GPM6A: variants seen among roughly 807,000 people sequenced by gnomAD.
GPM6A encodes neuronal membrane glycoprotein M6-a.
In GPM6A, 7 loss-of-function variants were observed where a neutral mutation model predicts 32.1. That is an observed-to-expected ratio of 0.22 (90% CI 0.12 to 0.41). GPM6A has a LOEUF of 0.41. Among genes scored for constraint, GPM6A ranks in the 10% least tolerant of loss-of-function variants. The pLI is 1.00. For synonymous variants in GPM6A, 130 were observed against 123.4 expected, an observed-to-expected ratio of 1.05 and a Z score of -0.35; for missense variants, 235 against 347.2, an observed-to-expected ratio of 0.68 and a Z score of 2.57.
intron 1 of GPM6A, among the ~76,000 whole-genome samples, chr4:175,964,103 A>AAGAG (rs904342981): frequency 1.4e-4 from 21 of 152,000 alleles, no homozygotes; most frequent in African/African-American, 5.1e-4. Flanking sequence ...AGACAAAAAA[A>AAGAG]AGAGAGAGAG....
intron 1 of GPM6A, among the ~76,000 whole-genome samples, chr4:175,963,850 G>T (rs368849043): frequency 6.6e-6 from 1 of 152,114 alleles, no homozygotes. Context: ...TGTTATAAGA[G>T]ATAAGAGGGA....
intron 1 of GPM6A, among the ~76,000 whole-genome samples, chr4:175,756,415 A>G (rs1462949083): frequency 1.3e-5 from 2 of 152,124 alleles, no homozygotes; most frequent in Admixed American, 1.3e-4. Context: ...ATATATGGCA[A>G]TCTTGAAAGG....
chr4:175,832,110 G>T (rs913912932), intron 1 of GPM6A, among the ~76,000 whole-genome samples: 1 of 89,592 alleles, frequency 1.1e-5, no homozygotes, highest in Non-Finnish European at 2.3e-5. Flanking sequence ...ATCTTTCCTC[G>T]GATTGCCAAC....
At chr4:175,942,801 T>A (rs1336292141) in intron 1 of GPM6A, among the ~76,000 whole-genome samples, 2 of 152,332 alleles carry the variant, frequency 1.3e-5, no homozygotes, top group South Asian at 2.1e-4. Flanking sequence ...TAGTTTGAAG[T>A]CAGGTAGCGT....
chr4:175,937,191 TA>T (rs1270738746), intron 1 of GPM6A, among the ~76,000 whole-genome samples: 1 of 151,884 alleles, frequency 6.6e-6, no homozygotes, highest in Non-Finnish European at 1.5e-5. Context: ...ATTTCACTTT[TA>T]GAAGTCTACT....
At chr4:175,902,940 GATAA>G (rs1026531500) in intron 1 of GPM6A, among the ~76,000 whole-genome samples, 7 of 152,000 alleles carry the variant, frequency 4.6e-5, no homozygotes, top group African/African-American at 1.7e-4. Flanking sequence ...GCTAATCTAT[GATAA>G]ATAAATATAG....
chr4:175,951,243 T>C (rs1162785366), intron 1 of GPM6A, among the ~76,000 whole-genome samples: 1 of 152,218 alleles, frequency 6.6e-6, no homozygotes, highest in Non-Finnish European at 1.5e-5. Flanking sequence ...GCCATTTTTC[T>C]TTATAAATAG....
intron 1 of GPM6A, among the ~76,000 whole-genome samples, chr4:175,875,169 C>T (rs1737044290): frequency 6.6e-6 from 1 of 152,204 alleles, no homozygotes; most frequent in South Asian, 2.1e-4. Context: ...CACTGCCTAG[C>T]AGCTGTGCCC....
chr4:175,838,104 CACACACAG>C (rs1261593780), intron 1 of GPM6A, among the ~76,000 whole-genome samples: 7 of 58,012 alleles, frequency 1.2e-4, no homozygotes, highest in Admixed American at 4.8e-4. Context: ...CACACACACA[CACACACAG>C]ACACACACAC....
intron 1 of GPM6A, among the ~76,000 whole-genome samples, chr4:175,702,235 T>C (rs995673543): frequency 6.6e-6 from 1 of 152,204 alleles, no homozygotes; most frequent in African/African-American, 2.4e-5. Flanking sequence ...ATCCAGGAGA[T>C]ATTTGGATAC....
chr4:175,839,204 A>G (rs1358499088), intron 1 of GPM6A, among the ~76,000 whole-genome samples: 1 of 152,206 alleles, frequency 6.6e-6, no homozygotes, highest in East Asian at 1.9e-4. Context: ...ACTTCAAATT[A>G]TACACTAGAA....
rs534152569 is a variant in GPM6A at position 175,836,403 on chromosome 4, T to C, written c.-22-24154A>G. On this transcript the variant is annotated intron_variant, in intron 1 of 7. Transcript: ENST00000280187. ...CAAAGAGTAAACTAAAGGGACAAAA[T>C]ATCTGCCCTCTTGGAGATTACATTC... 2.4e-4 allele frequency among the ~76,000 whole-genome samples: 37 copies of C among 152,228 alleles called. 2 individuals carry two copies. The highest frequency in any genetic ancestry group is 8.2e-4 in the African/African-American group (34 of 41,552).
chr4:175,681,231 T>C (rs1175391450), intron 2 of GPM6A, among the ~76,000 whole-genome samples: 1 of 152,238 alleles, frequency 6.6e-6, no homozygotes, highest in Admixed American at 6.5e-5. Flanking sequence ...TATTAGAATG[T>C]CTGTTTCTCC....
chr4:175,853,392 CCTTAACTAAAAT>C (rs1290328031), intron 1 of GPM6A, among the ~76,000 whole-genome samples: 3 of 151,810 alleles, frequency 2.0e-5, no homozygotes, highest in Admixed American at 6.6e-5. Flanking sequence ...TTCCTTTTTA[CCTTAACTAAAAT>C]CTTGGCTAAA....
intron 2 of GPM6A, among the ~76,000 whole-genome samples, chr4:175,680,170 T>G (rs537810816): frequency 6.6e-6 from 1 of 152,156 alleles, no homozygotes; most frequent in African/African-American, 2.4e-5. Flanking sequence ...TATATATACA[T>G]GTGCACATGT....
chr4:175,938,812 T>C (rs1487544992), intron 1 of GPM6A, among the ~76,000 whole-genome samples: 1 of 151,638 alleles, frequency 6.6e-6, no homozygotes, highest in Non-Finnish European at 1.5e-5. Context: ...GCTTTATCAT[T>C]ACACATTCTA....
At chr4:175,973,803 T>A (rs1350793846) in intron 1 of GPM6A, among the ~76,000 whole-genome samples, 1 of 152,234 alleles carries the variant, frequency 6.6e-6, no homozygotes, top group Non-Finnish European at 1.5e-5. Context: ...CTGGTACACA[T>A]CTGCGCCACC....
intron 2 of GPM6A, among the ~76,000 whole-genome samples, chr4:175,686,927 A>G (rs574238480): frequency 5.9e-5 from 9 of 152,340 alleles, no homozygotes; most frequent in African/African-American, 1.9e-4. Context: ...TTAGAGCTGG[A>G]AAATGGCAAT....
intron 1 of GPM6A, among the ~76,000 whole-genome samples, chr4:175,757,766 A>C (rs1279961591): frequency 6.6e-6 from 1 of 152,190 alleles, no homozygotes; most frequent in Non-Finnish European, 1.5e-5. Flanking sequence ...CATTACCACG[A>C]GACCAAAGAG....
Sources: allele counts gnomAD v4.1 joint callset (sites outside exome capture counted in the v4.1 genomes callset), GRCh38; gene constraint gnomAD v4.1.1; transcripts MANE v1.5; gene names NCBI Gene and HGNC (gene_info 2026-07-23, HGNC 2026-07-21).